SPTAN1: variants seen among roughly 807,000 people sequenced by gnomAD.
SPTAN1 encodes the protein spectrin alpha chain, non-erythrocytic 1.
A neutral mutation model predicts 331.3 loss-of-function variants in SPTAN1; 61 were observed. The observed-to-expected ratio is 0.18, with a 90% CI of 0.15 to 0.23. SPTAN1 has a LOEUF of 0.23. Ranked by LOEUF, SPTAN1 falls within the 10% of genes least tolerant of loss-of-function variation. SPTAN1 has a pLI of 1.00. For synonymous variants in SPTAN1, 1,153 were observed against 1,173.9 expected (o/e 0.98, Z 0.36); for missense variants, 2,043 against 3,147.9 (o/e 0.65, Z 8.40).
chr9:128,573,955 A>G (rs7043580), intron 3 of SPTAN1, among the ~76,000 whole-genome samples: 147,250 of 152,106 alleles, frequency 0.97, 71,435 homozygotes, highest in Non-Finnish European at 1. Context: ...GGGTTTCACC[A>G]TGCTGGCCAG....
intron 51 of SPTAN1, 66 bp downstream of exon 51, chr9:128,628,008 G>A: frequency 6.2e-7 from 1 of 1,605,280 alleles, no homozygotes; most frequent in Non-Finnish European, 8.5e-7. Flanking sequence ...GCCCCTCGTG[G>A]CCTGGCTTGT....
At chr9:128,589,970 T>C (rs1853258667) in intron 21 of SPTAN1, among the ~76,000 whole-genome samples, 1 of 152,230 alleles carries the variant, frequency 6.6e-6, no homozygotes. Context: ...TTGTCTTCTT[T>C]AGGCTAAATA....
At chr9:128,575,052 G>C in intron 4 of SPTAN1, 147 bp from the exon 5 acceptor site, 1 of 1,287,554 alleles carries the variant, frequency 7.8e-7, no homozygotes, top group Non-Finnish European at 1.1e-6. Flanking sequence ...CTTTCTGTGG[G>C]AGGAACTAAA....
rs116702176 is a variant in SPTAN1, at chr9:128,615,155, G to A, written c.5149-477G>A. Among the ~76,000 whole-genome samples the A allele has an allele frequency of 9.2e-3, 1,404 of 152,198 alleles. 18 individuals are homozygous for A. The highest frequency in any genetic ancestry group is 0.032 in the African/African-American group (1,316 of 41,530). ...CTGTCAGTATTCTTTGAAGTGACAGGCTCACTTTATTTATTCTGGACCGAG... is the reference window on the plus strand; with the variant it reads ...CTGTCAGTATTCTTTGAAGTGACAGACTCACTTTATTTATTCTGGACCGAG... On this transcript the variant is annotated intron_variant, in intron 40 of 56. Transcript: ENST00000372739.
At chr9:128,553,746 TA>T (rs1848372934) in intron 1 of SPTAN1, among the ~76,000 whole-genome samples, 1 of 152,246 alleles carries the variant, frequency 6.6e-6, no homozygotes, top group African/African-American at 2.4e-5. Context: ...CTAAAATATT[TA>T]AGCCCTTTGT....
chr9:128,559,575 ATTTCT>A (rs1206958433), intron 1 of SPTAN1, among the ~76,000 whole-genome samples: 3 of 152,058 alleles, frequency 2.0e-5, no homozygotes, highest in African/African-American at 7.2e-5. Context: ...TCCTTGGAAA[ATTTCT>A]TTACAAGAAA....
intron 1 of SPTAN1, among the ~76,000 whole-genome samples, chr9:128,562,291 T>G (rs769468805): frequency 2.0e-5 from 3 of 152,078 alleles, no homozygotes; most frequent in Non-Finnish European, 2.9e-5. Flanking sequence ...TTAGTAGAGA[T>G]GTGGTTTCAC....
At chr9:128,568,032 G>A (rs1013700461) in intron 2 of SPTAN1, among the ~76,000 whole-genome samples, 1 of 152,226 alleles carries the variant, frequency 6.6e-6, no homozygotes, top group Non-Finnish European at 1.5e-5. Flanking sequence ...AAAGTGCTGG[G>A]ATTACAGGCG....
intron 1 of SPTAN1, among the ~76,000 whole-genome samples, chr9:128,561,402 G>A (rs1188877478): frequency 6.7e-5 from 10 of 150,094 alleles, no homozygotes; most frequent in Non-Finnish European, 1.3e-4. Flanking sequence ...GGTGGCTCAC[G>A]CCTGTAATCC....
At chr9:128,624,601 A>C in intron 46 of SPTAN1, 114 bp downstream of exon 46, 1 of 1,341,162 alleles carries the variant, frequency 7.5e-7, no homozygotes, top group Non-Finnish European at 1.0e-6. Flanking sequence ...GGCATGGCAG[A>C]GAACCTACTA....
chr9:128,562,427 G>T (rs1849485683), intron 1 of SPTAN1, among the ~76,000 whole-genome samples: 1 of 152,116 alleles, frequency 6.6e-6, no homozygotes, highest in South Asian at 2.1e-4. Context: ...TAGATGGTAG[G>T]GTTGGGAGTG....
At chr9:128,631,589 G>A in intron 52 of SPTAN1, 1 of 162,798 alleles carries the variant, frequency 6.1e-6, no homozygotes, top group South Asian at 1.7e-4. Flanking sequence ...ACTTTGGGAG[G>A]CCAAGACAGG....
intron 22 of SPTAN1, 125 bp downstream of exon 22, chr9:128,591,750 A>C: frequency 8.1e-7 from 1 of 1,236,028 alleles, no homozygotes. Context: ...TGCTGTCTCC[A>C]CCCCACTTTG....
chr9:128,608,187 T>C lies in SPTAN1; in HGVS notation c.4402T>C (p.Leu1468=), dbSNP rs762490011. Residue 1468 remains leucine, a synonymous_variant, in exon 34 of 57, where the codon TTG becomes CTG. Coordinates refer to ENST00000372739, the MANE Select transcript of SPTAN1 (RefSeq NM_001130438.3). ...CTGGATGGCTGCCCGGGAGGCCTTC[T>C]TGAATACCGAAGACAAAGGAGACTC... The part of the protein sequence containing the change: ...ENWMAAREAF[L]NTEDKGDSLD... 10 of 1,614,128 alleles carry C rather than the reference T, an allele frequency of 6.2e-6. No homozygotes were observed. Among genetic ancestry groups the C allele is most frequent in the Non-Finnish European group, 8.5e-6 (10 of 1,180,020 alleles).
Position 128,605,568 on chromosome 9 carries a change from G to T in SPTAN1, c.4046+91G>T. On this transcript the variant is annotated intron_variant, in intron 31 of 56. Transcript: ENST00000372739. ...GTGAAAATAGTACATGCTCAGCAGGGTACAATGGCTCACACCTATAATCCA... is the reference window on the plus strand; with the variant it reads ...GTGAAAATAGTACATGCTCAGCAGGTTACAATGGCTCACACCTATAATCCA... 3 of 1,501,328 alleles carry T rather than the reference G, an allele frequency of 2.0e-6. No homozygotes were observed. In the Admixed American group the frequency reaches 5.5e-5, roughly 28 times the overall value. The allele number at this position is 1,501,328 out of a possible 1,614,324, so 93.0% of individuals were successfully genotyped here. A position where few individuals can be genotyped will look rare whatever the true frequency, so the allele number is the denominator to read the frequency against.
intron 37 of SPTAN1, 113 bp downstream of exon 37, chr9:128,609,778 C>A: frequency 1.5e-6 from 1 of 673,142 alleles, no homozygotes; most frequent in South Asian, 2.5e-5. Context: ...GTCTCTTCAT[C>A]CATCCTTTTC....
At chr9:128,574,054 C>T (rs1024661600) in intron 3 of SPTAN1, among the ~76,000 whole-genome samples, 3 of 152,174 alleles carry the variant, frequency 2.0e-5, no homozygotes, top group African/African-American at 7.2e-5. Context: ...CACCCAGCCT[C>T]CCCTTTACTA....
rs769426014 is a variant in SPTAN1, at chr9:128,633,229, C to T, written c.7329C>T (p.Ala2443=). ...ELYQNLTREQ[A]DYCVSHMKPY... Reference sequence around the variant, plus strand: ...CACAGAACCTGACCCGGGAACAAGCCGACTACTGCGTCTCCCACATGAAGC... The same window carrying T: ...CACAGAACCTGACCCGGGAACAAGCTGACTACTGCGTCTCCCACATGAAGC... Residue 2443 remains alanine, a synonymous_variant, in exon 57 of 57, where the codon GCC becomes GCT. Coordinates refer to ENST00000372739, the MANE Select transcript of SPTAN1 (RefSeq NM_001130438.3). The T allele has an allele frequency of 1.6e-5, 26 of 1,613,918 alleles. No homozygotes were observed. The highest frequency in any genetic ancestry group is 1.6e-4 in the Middle Eastern group (1 of 6,084).
intron 28 of SPTAN1, 136 bp downstream of exon 28, chr9:128,603,726 C>A: frequency 9.1e-7 from 1 of 1,101,054 alleles, no homozygotes; most frequent in Non-Finnish European, 1.4e-6. Context: ...CCAAGCATGT[C>A]CTAAGTAAAC....
Sources: gnomAD v4.1 joint callset for allele counts (sites outside exome capture counted in the v4.1 genomes callset) on GRCh38, gnomAD v4.1.1 for gene constraint, MANE v1.5 for transcripts, NCBI Gene and HGNC (gene_info 2026-07-23, HGNC 2026-07-21) for gene names.